Variants in MRRF observed in about 807,000 individuals in gnomAD.
The protein encoded by MRRF is mitochondrial ribosome recycling factor, also known as ribosome-recycling factor, mitochondrial.
Under a neutral mutation model 25.1 loss-of-function variants are expected in MRRF, and 18 were observed. The ratio of observed to expected loss-of-function variants is 0.72; its 90% CI spans 0.50 to 1.06. MRRF has a LOEUF of 1.06. Among genes scored for constraint, MRRF ranks in the 50% least tolerant of loss-of-function variants. The pLI is 0.00. For synonymous variants in MRRF, 113 were observed against 112.1 expected (o/e 1.01, Z -0.05); for missense variants, 323 against 319.3 (o/e 1.01, Z -0.09).
intron 2 of MRRF, among the ~76,000 whole-genome samples, chr9:122,272,516 AT>A (rs980286439): frequency 1.3e-5 from 2 of 151,432 alleles, no homozygotes; most frequent in African/African-American, 2.4e-5. Flanking sequence ...AAAAAAAAAA[AT>A]TGCTGGGCCT....
chr9:122,267,120 G>A lies in MRRF; in HGVS notation c.-29+2182G>A, dbSNP rs7024553. Among the ~76,000 whole-genome samples, 1,102 of 145,144 alleles carry A rather than the reference G, an allele frequency of 7.6e-3. 9 individuals carry two copies. Among genetic ancestry groups the A allele is most frequent in the African/African-American group, 0.026 (1,025 of 39,268 alleles). On this transcript the variant is annotated intron_variant, in intron 1 of 6. Coordinates refer to ENST00000344641, the MANE Select transcript of MRRF (RefSeq NM_138777.5). ...TCAGGCCGGCGCAGTGGCTCACGCC[G>A]GTAATCCCAGCACTTTGGGAGGCCG...
intron 5 of MRRF, among the ~76,000 whole-genome samples, chr9:122,294,365 A>G (rs534417430): frequency 1.2e-4 from 18 of 152,340 alleles, no homozygotes; most frequent in South Asian, 8.3e-4. Context: ...CATTGTATGT[A>G]AGTTTGAAAG....
At chr9:122,280,661 T>A (rs894226737) in intron 3 of MRRF, 63 bp downstream of exon 3, 1 of 1,553,696 alleles carries the variant, frequency 6.4e-7, no homozygotes, top group African/African-American at 1.4e-5. Context: ...TTTGGCAGAG[T>A]TGAGTTTTAG....
chr9:122,308,393 T>TC (rs1272475583), intron 5 of MRRF, among the ~76,000 whole-genome samples: 3 of 151,402 alleles, frequency 2.0e-5, no homozygotes, highest in African/African-American at 7.3e-5. Context: ...GTCTTTTTTT[T>TC]TTTTTTTTTT....
At chr9:122,305,192 C>T (rs1356114667) in intron 5 of MRRF, among the ~76,000 whole-genome samples, 1 of 152,028 alleles carries the variant, frequency 6.6e-6, no homozygotes, top group Admixed American at 6.5e-5. Context: ...AGGTGGATCA[C>T]CAGAGGTCAG....
At chr9:122,303,484 G>A (rs775090231) in intron 5 of MRRF, among the ~76,000 whole-genome samples, 3 of 151,386 alleles carry the variant, frequency 2.0e-5, no homozygotes, top group African/African-American at 7.3e-5. Context: ...GGGCTCAAGC[G>A]ATCCTCCCAC....
intron 2 of MRRF, among the ~76,000 whole-genome samples, chr9:122,276,134 G>A (rs1045082959): frequency 3.3e-5 from 5 of 151,868 alleles, no homozygotes; most frequent in African/African-American, 7.3e-5. Context: ...GGCTGGTCTC[G>A]AACTTTTGAC....
intron 2 of MRRF, among the ~76,000 whole-genome samples, chr9:122,277,937 T>C (rs1325333129): frequency 1.3e-5 from 2 of 152,096 alleles, no homozygotes; most frequent in African/African-American, 4.8e-5. Flanking sequence ...TTGATACATA[T>C]TTGTACATAC....
intron 5 of MRRF, among the ~76,000 whole-genome samples, chr9:122,305,056 C>T (rs1834748687): frequency 6.6e-6 from 1 of 152,084 alleles, no homozygotes; most frequent in South Asian, 2.1e-4. Context: ...ATCTTCCGGC[C>T]TCAGCCTTTC....
At chr9:122,319,874 A>AT (rs975991164) in intron 6 of MRRF, among the ~76,000 whole-genome samples, 5,824 of 129,966 alleles carry the variant, frequency 0.045, 284 homozygotes, top group African/African-American at 0.11. Context: ...ATTTTCATTA[A>AT]TTTTTTTTTT....
chr9:122,302,572 A>G (rs1276399761), intron 5 of MRRF, among the ~76,000 whole-genome samples: 5 of 152,196 alleles, frequency 3.3e-5, no homozygotes, highest in Non-Finnish European at 5.9e-5. Flanking sequence ...ATTCTATTAT[A>G]TGGCTATACC....
At position 122,280,452 on chromosome 9, in the gene MRRF, A is replaced by C. The variant is rs376827696; in HGVS notation, c.194A>C (p.Lys65Thr). 2 of 1,614,038 alleles carry C rather than the reference A, an allele frequency of 1.2e-6. No homozygotes were observed. The highest frequency in any genetic ancestry group is 2.7e-5 in the African/African-American group (2 of 74,938). The stretch of plus-strand genomic sequence containing the variant: ...AATGTTCACTTTTTAGCCAAAGGGA[A>C]AGGACAGTCCCAAACCAGAGTGAAT... ...FATKKAKAKG[K>T]GQSQTRVNIN... The change falls in exon 3 of 7, where the codon AAA (lysine) becomes ACA (threonine). Residue 65 changes from lysine (K) to threonine (T), a missense_variant. Lys to Thr is a moderately conservative substitution (Grantham distance 78). Coordinates refer to ENST00000344641, the MANE Select transcript of MRRF (RefSeq NM_138777.5).
At chr9:122,285,006 G>A (rs760631427) in intron 3 of MRRF, among the ~76,000 whole-genome samples, 163 bp from the exon 4 acceptor site, 52 of 152,138 alleles carry the variant, frequency 3.4e-4, no homozygotes, top group South Asian at 1.0e-3. Flanking sequence ...GCGCAGGTTG[G>A]TCTCAAACTA....
At chr9:122,267,335 C>T (rs1051716275) in intron 1 of MRRF, among the ~76,000 whole-genome samples, 2 of 145,294 alleles carry the variant, frequency 1.4e-5, no homozygotes, top group Non-Finnish European at 3.0e-5. Flanking sequence ...GAGCTGAGAA[C>T]GTGCCACTGC....
intron 2 of MRRF, among the ~76,000 whole-genome samples, chr9:122,271,825 C>T (rs1588003788): frequency 6.6e-6 from 1 of 152,194 alleles, no homozygotes; most frequent in Non-Finnish European, 1.5e-5. Context: ...AGAAAATTGT[C>T]AGTCACACCA....
At chr9:122,300,047 G>T (rs1564498823) in intron 5 of MRRF, among the ~76,000 whole-genome samples, 2 of 152,212 alleles carry the variant, frequency 1.3e-5, no homozygotes, top group African/African-American at 4.8e-5. Flanking sequence ...TAGTGCAGGT[G>T]TGATACTGGT....
rs1835318595 is a variant in MRRF, at chr9:122,313,359, G to A, written c.684G>A (p.Glu228=). 1 of 1,613,954 alleles carries A rather than the reference G, an allele frequency of 6.2e-7. No individual in the cohort carries two copies. Among genetic ancestry groups the A allele is most frequent in the Non-Finnish European group, 8.5e-7 (1 of 1,179,954 alleles). The part of the protein sequence containing the change: ...KLKKSKDTVS[E]DTIRLIEKQI... ...AGAAATCCAAGGATACAGTCTCAGA[G>A]GACACCATTAGGCTAATAGAGAAAC... is the stretch of plus-strand genomic sequence containing the variant. Residue 228 remains glutamate, a synonymous_variant, in exon 6 of 7, where the codon GAG becomes GAA. Transcript: ENST00000344641.
rs144723962 is a variant in MRRF, at chr9:122,296,969, G to A, written c.551+5129G>A. Among the ~76,000 whole-genome samples, 67 of 152,194 alleles carry A rather than the reference G, an allele frequency of 4.4e-4. No individual in the cohort carries two copies. In the East Asian group the frequency reaches 0.012, roughly 27 times the overall value. On this transcript the variant is annotated intron_variant, in intron 5 of 6. Transcript: ENST00000344641. The stretch of plus-strand genomic sequence containing the variant: ...TTGCATCTTTCCTTGATTGTCTTCC[G>A]ATTCCTTCATCAGCGTCTCTGTTGG...
At chr9:122,285,392 A>G (rs1382487028) in intron 4 of MRRF, 105 bp downstream of exon 4, 1 of 813,266 alleles carries the variant, frequency 1.2e-6, no homozygotes, top group Non-Finnish European at 2.2e-6. Flanking sequence ...GAAACAAGAG[A>G]GAAGACATAA....
Sources: allele counts gnomAD v4.1 joint callset (sites outside exome capture counted in the v4.1 genomes callset), GRCh38; gene constraint gnomAD v4.1.1; transcripts MANE v1.5; gene names NCBI Gene and HGNC (gene_info 2026-07-23, HGNC 2026-07-21).